Variants in TBC1D4 observed in about 807,000 individuals in gnomAD.
TBC1D4 encodes TBC1 domain family member 4.
In TBC1D4, 121 loss-of-function variants were observed where a neutral mutation model predicts 142.5. The observed-to-expected ratio is 0.85, with a 90% CI of 0.73 to 0.99. The LOEUF is 0.99. Among genes scored for constraint, TBC1D4 ranks in the 50% least tolerant of loss-of-function variants. The pLI is 0.00. For synonymous variants in TBC1D4, 630 were observed against 628.2 expected, an observed-to-expected ratio of 1.00 and a Z score of -0.04; for missense variants, 1,475 against 1,606.6, an observed-to-expected ratio of 0.92 and a Z score of 1.40.
chr13:75,407,168 G>T (rs1354861119), intron 1 of TBC1D4, among the ~76,000 whole-genome samples: 1 of 152,192 alleles, frequency 6.6e-6, no homozygotes, highest in Admixed American at 6.5e-5. Context: ...CATTCAGGTA[G>T]CCATTCATCT....
At chr13:75,336,869 C>T (rs1409035768) in intron 8 of TBC1D4, 52 bp downstream of exon 8, 10 of 1,609,356 alleles carry the variant, frequency 6.2e-6, no homozygotes, top group Non-Finnish European at 8.5e-6. Flanking sequence ...TGAAGCTAAA[C>T]TGTTAGAAAA....
intron 1 of TBC1D4, among the ~76,000 whole-genome samples, chr13:75,427,860 A>G (rs891208921): frequency 2.6e-5 from 4 of 152,364 alleles, no homozygotes; most frequent in African/African-American, 9.6e-5. Context: ...ATAAGAACAA[A>G]GAGAAAATGC....
chr13:75,332,234 C>T (rs936673097), intron 8 of TBC1D4, among the ~76,000 whole-genome samples: 2 of 152,200 alleles, frequency 1.3e-5, no homozygotes, highest in Non-Finnish European at 2.9e-5. Flanking sequence ...ACTGAATATA[C>T]CACCTCCTAT....
In TBC1D4 at chr13:75,312,918, A is replaced by T. The variant is rs775615303; in HGVS notation, c.2223-20T>A. The T allele has an allele frequency of 6.2e-7, 1 of 1,613,832 alleles. No homozygotes were observed. The highest frequency in any genetic ancestry group is 1.7e-5 in the Admixed American group (1 of 60,008). ...CCATCACTGTTGAAAGCAAATAAAC[A>T]TATCACTTATAAGGAGAGCTGCACA... On this transcript the variant is annotated intron_variant, in intron 12 of 20. Coordinates refer to ENST00000377636, the MANE Select transcript of TBC1D4 (RefSeq NM_014832.5).
chr13:75,344,746 C>T (rs547474161), intron 5 of TBC1D4, among the ~76,000 whole-genome samples: 2 of 152,230 alleles, frequency 1.3e-5, no homozygotes, highest in East Asian at 3.9e-4. Flanking sequence ...GGCTCACATA[C>T]ACATACTTAT....
At chr13:75,320,902 T>A (rs759698764) in intron 11 of TBC1D4, among the ~76,000 whole-genome samples, 8 of 144,928 alleles carry the variant, frequency 5.5e-5, no homozygotes, top group Non-Finnish European at 1.2e-4. Flanking sequence ...TAGCCGGGCA[T>A]GGTGGCGGGC....
At chr13:75,456,282 T>G (rs1247961096) in intron 1 of TBC1D4, among the ~76,000 whole-genome samples, 1 of 152,230 alleles carries the variant, frequency 6.6e-6, no homozygotes, top group Non-Finnish European at 1.5e-5. Context: ...AAGCAATGAT[T>G]TCCTAGAAAG....
intron 12 of TBC1D4, among the ~76,000 whole-genome samples, chr13:75,313,766 T>A (rs888055718): frequency 3.9e-5 from 6 of 152,162 alleles, no homozygotes; most frequent in African/African-American, 1.4e-4. Flanking sequence ...ACTCAAGCAA[T>A]TCTCCTGTCT....
chr13:75,339,767 G>A (rs1489446000), intron 7 of TBC1D4, among the ~76,000 whole-genome samples: 1 of 151,842 alleles, frequency 6.6e-6, no homozygotes, highest in Non-Finnish European at 1.5e-5. Flanking sequence ...TAGTAGAGAC[G>A]GGGTTTCACT....
intron 1 of TBC1D4, among the ~76,000 whole-genome samples, chr13:75,427,335 A>C (rs1362608573): frequency 6.6e-6 from 1 of 152,116 alleles, no homozygotes; most frequent in Non-Finnish European, 1.5e-5. Flanking sequence ...TCGGCCCAAA[A>C]TATAAACTTT....
At chr13:75,386,294 A>G (rs1884161266) in intron 1 of TBC1D4, among the ~76,000 whole-genome samples, 1 of 152,170 alleles carries the variant, frequency 6.6e-6, no homozygotes, top group African/African-American at 2.4e-5. Flanking sequence ...TGAATAAATT[A>G]TACACTTTTT....
At chr13:75,346,539 G>A (rs1421136048) in intron 5 of TBC1D4, among the ~76,000 whole-genome samples, 2 of 152,246 alleles carry the variant, frequency 1.3e-5, no homozygotes, top group Middle Eastern at 3.4e-3. Context: ...TCTTTATCCA[G>A]TCTATCACTG....
intron 1 of TBC1D4, among the ~76,000 whole-genome samples, chr13:75,430,722 G>A (rs1031601174): frequency 1.3e-5 from 2 of 152,084 alleles, no homozygotes; most frequent in Non-Finnish European, 2.9e-5. Context: ...TTTCCCCATC[G>A]ATTTGTGTAG....
At chr13:75,366,955 A>G in intron 1 of TBC1D4, 1 of 985,440 alleles carries the variant, frequency 1.0e-6, no homozygotes, top group Non-Finnish European at 1.2e-6. Context: ...GTGGTCACGA[A>G]GAGCAATGAT....
chr13:75,327,686 C>T, intron 9 of TBC1D4, 66 bp downstream of exon 9: 2 of 1,388,894 alleles, frequency 1.4e-6, no homozygotes, highest in Non-Finnish European at 2.1e-6. Context: ...ATGGAGCATG[C>T]ATATTACCAT....
chr13:75,318,740 T>C (rs1878515005), intron 12 of TBC1D4, among the ~76,000 whole-genome samples: 1 of 152,186 alleles, frequency 6.6e-6, no homozygotes, highest in Non-Finnish European at 1.5e-5. Context: ...ATTTGACCTA[T>C]GAGTCAAAAG....
intron 13 of TBC1D4, among the ~76,000 whole-genome samples, chr13:75,312,525 T>C (rs1034726985): frequency 1.3e-5 from 2 of 152,130 alleles, no homozygotes; most frequent in African/African-American, 4.8e-5. Context: ...GTACAGGTTT[T>C]TGGAAACTGT....
chr13:75,362,688 T>A lies in TBC1D4; in HGVS notation c.499-81A>T. Reference sequence around the variant, plus strand: ...TTTACCTAGCCCAATTATTACCACATGGAATGTATTTTCATCCTAAATAAT... The same window carrying A: ...TTTACCTAGCCCAATTATTACCACAAGGAATGTATTTTCATCCTAAATAAT... On this transcript the variant is annotated intron_variant, in intron 1 of 20. Coordinates refer to ENST00000377636, the MANE Select transcript of TBC1D4 (RefSeq NM_014832.5). This position sits in a 1 kb window ranked among gnomAD's most constrained non-coding sequence, Gnocchi z 4.2. The A allele has an allele frequency of 7.0e-7, 1 of 1,435,724 alleles. No homozygotes were observed. Among genetic ancestry groups the A allele is most frequent in the Non-Finnish European group, 9.7e-7 (1 of 1,030,218 alleles). 88.9% of individuals were successfully genotyped at this position (1,435,724 alleles called of 1,614,324 possible). A position where few individuals can be genotyped will look rare whatever the true frequency, so the allele number is the denominator to read the frequency against.
chr13:75,442,267 A>C (rs1451528783), intron 1 of TBC1D4, among the ~76,000 whole-genome samples: 1 of 152,210 alleles, frequency 6.6e-6, no homozygotes, highest in Non-Finnish European at 1.5e-5. Context: ...CTAATAACAA[A>C]ACTTACCACA....
Sources: allele counts gnomAD v4.1 joint callset (sites outside exome capture counted in the v4.1 genomes callset), GRCh38; gene constraint gnomAD v4.1.1; non-coding constraint Gnocchi (gnomAD v3.1); transcripts MANE v1.5; gene names NCBI Gene and HGNC (gene_info 2026-07-23, HGNC 2026-07-21).